The following HOMER1 variants were observed in gnomAD, a reference collection of about 807,000 sequenced individuals.
HOMER1 encodes the protein homer protein homolog 1.
HOMER1 carries 3 observed loss-of-function variants against 48.9 expected under a neutral mutation model. The observed-to-expected ratio is 0.06, with a 90% CI of 0.03 to 0.16. The LOEUF is 0.16. Among genes scored for constraint, HOMER1 ranks in the 10% least tolerant of loss-of-function variants. The pLI, the probability that HOMER1 is intolerant of heterozygous loss-of-function variation, is 1.00. For synonymous variants in HOMER1, 134 were observed against 146.4 expected (o/e 0.92, Z 0.61); for missense variants, 247 against 411.4 (o/e 0.60, Z 3.46).
intron 8 of HOMER1, among the ~76,000 whole-genome samples, chr5:79,392,352 G>C (rs1749274216): frequency 6.6e-6 from 1 of 152,154 alleles, no homozygotes; most frequent in Admixed American, 6.5e-5. Flanking sequence ...TGTGGAGGTA[G>C]AAAACAGTGA....
chr5:79,386,089 T>C (rs1279864654), intron 8 of HOMER1, among the ~76,000 whole-genome samples: 2 of 151,958 alleles, frequency 1.3e-5, no homozygotes, highest in Admixed American at 1.3e-4. Flanking sequence ...AAAACTAACA[T>C]ACAATCATGT....
chr5:79,444,064 G>T (rs113053380), intron 4 of HOMER1, among the ~76,000 whole-genome samples: 2 of 152,142 alleles, frequency 1.3e-5, no homozygotes, highest in East Asian at 3.9e-4. Flanking sequence ...ATCGATTTTC[G>T]TGTTTAACCT....
At position 79,474,206 on chromosome 5, in the gene HOMER1, A is replaced by ATTT. The variant is rs1009644672; in HGVS notation, c.6-17191_6-17189dup. On this transcript the variant is annotated intron_variant, in intron 1 of 8. Coordinates refer to ENST00000334082, the MANE Select transcript of HOMER1 (RefSeq NM_004272.5). ...GTGTGCACCATCATGCCCAACCAAAATTTTTTTTTTTTTTTTTTTTTTTTT... is the reference window on the plus strand; with the variant it reads ...GTGTGCACCATCATGCCCAACCAAAATTTTTTTTTTTTTTTTTTTTTTTTTTTT... Among the ~76,000 whole-genome samples the ATTT allele has an allele frequency of 1.6e-3, 161 of 98,744 alleles. 4 individuals carry two copies. The highest frequency in any genetic ancestry group is 4.3e-3 in the African/African-American group (91 of 21,386). The allele number at this position is 98,744 out of a possible 152,430, so 64.8% of individuals were successfully genotyped here. A position where few individuals can be genotyped will look rare whatever the true frequency, so the allele number is the denominator to read the frequency against.
intron 1 of HOMER1, among the ~76,000 whole-genome samples, chr5:79,465,584 CTTTTTT>C (rs10666507): frequency 9.0e-5 from 7 of 77,906 alleles, no homozygotes; most frequent in South Asian, 5.3e-4. Context: ...TACATTTCTT[CTTTTTT>C]TTTTTTTTTT....
At chr5:79,379,125 A>ATTTATT (rs1561340367) in intron 8 of HOMER1, among the ~76,000 whole-genome samples, 2 of 99,032 alleles carry the variant, frequency 2.0e-5, no homozygotes, top group African/African-American at 9.0e-5. Flanking sequence ...AAATATATAA[A>ATTTATT]TATTTATTTA....
chr5:79,475,006 CAA>C (rs1257879281), intron 1 of HOMER1, among the ~76,000 whole-genome samples: 2 of 152,190 alleles, frequency 1.3e-5, no homozygotes, highest in African/African-American at 2.4e-5. Context: ...CTGCATAATT[CAA>C]ACTCAGAAAT....
At chr5:79,451,742 A>G (rs936471697) in intron 2 of HOMER1, among the ~76,000 whole-genome samples, 1 of 150,328 alleles carries the variant, frequency 6.7e-6, no homozygotes, top group African/African-American at 2.4e-5. Context: ...ACTTTTTTGT[A>G]TTTTTTTTAG....
At chr5:79,407,022 T>C (rs879910153) in intron 5 of HOMER1, among the ~76,000 whole-genome samples, 5 of 152,146 alleles carry the variant, frequency 3.3e-5, no homozygotes, top group Non-Finnish European at 2.9e-5. Context: ...CTTTGAGGTG[T>C]GCACACACAC....
chr5:79,494,757 T>C (rs776586198), intron 1 of HOMER1, among the ~76,000 whole-genome samples: 23 of 152,194 alleles, frequency 1.5e-4, no homozygotes, highest in Non-Finnish European at 2.5e-4. Context: ...TAATCCCAGC[T>C]ACTCGGGAGG....
intron 5 of HOMER1, 76 bp from the exon 6 acceptor site, chr5:79,402,131 C>A: frequency 2.5e-6 from 3 of 1,178,466 alleles, no homozygotes; most frequent in Non-Finnish European, 3.6e-6. Context: ...AGACTCAGTT[C>A]TATTGTAGGG....
chr5:79,512,047 G>A (rs1752958824), intron 1 of HOMER1, among the ~76,000 whole-genome samples: 1 of 152,156 alleles, frequency 6.6e-6, no homozygotes, highest in Admixed American at 6.5e-5. Flanking sequence ...TAAAAGACTG[G>A]AAAATGCACT....
intron 1 of HOMER1, among the ~76,000 whole-genome samples, chr5:79,495,895 G>A (rs1373863251): frequency 6.6e-6 from 1 of 152,080 alleles, no homozygotes; most frequent in Admixed American, 6.5e-5. Context: ...GGTGATTCTG[G>A]TCAAACATGG....
At chr5:79,478,143 A>G (rs911946170) in intron 1 of HOMER1, among the ~76,000 whole-genome samples, 2 of 152,220 alleles carry the variant, frequency 1.3e-5, no homozygotes, top group African/African-American at 4.8e-5. Context: ...TCTGGTTCCA[A>G]AATCAGAGTT....
chr5:79,472,624 A>T (rs969563897), intron 1 of HOMER1, among the ~76,000 whole-genome samples: 3 of 151,792 alleles, frequency 2.0e-5, no homozygotes, highest in Non-Finnish European at 2.9e-5. Context: ...AAAATAAAAA[A>T]AAAAAGTTAG....
At chr5:79,498,783 T>C (rs1377204840) in intron 1 of HOMER1, among the ~76,000 whole-genome samples, 1 of 152,066 alleles carries the variant, frequency 6.6e-6, no homozygotes, top group East Asian at 1.9e-4. Flanking sequence ...CTCGGGATGA[T>C]TCAGAAATTG....
intron 5 of HOMER1, among the ~76,000 whole-genome samples, chr5:79,420,501 C>G (rs1016624708): frequency 2.0e-5 from 3 of 152,228 alleles, no homozygotes; most frequent in Admixed American, 6.5e-5. Flanking sequence ...CCTCTTCCCT[C>G]ACTTTGATCT....
At chr5:79,495,555 T>G (rs1331715000) in intron 1 of HOMER1, among the ~76,000 whole-genome samples, 1 of 152,240 alleles carries the variant, frequency 6.6e-6, no homozygotes. Flanking sequence ...GTACTACCAG[T>G]GCCTGGCATG....
chr5:79,496,204 C>T (rs111925482), intron 1 of HOMER1, among the ~76,000 whole-genome samples: 108 of 152,216 alleles, frequency 7.1e-4, no homozygotes, highest in African/African-American at 2.4e-3. Context: ...GTGAAGTATG[C>T]GACTGAAATG....
intron 5 of HOMER1, among the ~76,000 whole-genome samples, chr5:79,417,429 AC>A (rs1749976952): frequency 6.6e-6 from 1 of 152,224 alleles, no homozygotes; most frequent in Admixed American, 6.5e-5. Flanking sequence ...GGCGTGAGCC[AC>A]CGCACCCGGC....
Sources: allele counts gnomAD v4.1 joint callset (sites outside exome capture counted in the v4.1 genomes callset), GRCh38; gene constraint gnomAD v4.1.1; transcripts MANE v1.5; gene names NCBI Gene and HGNC (gene_info 2026-07-23, HGNC 2026-07-21).